Variants in PPP4R3A observed in about 807,000 individuals in gnomAD.
PPP4R3A encodes the protein protein phosphatase 4 regulatory subunit 3A, also known as serine/threonine-protein phosphatase 4 regulatory subunit 3A.
Under a neutral mutation model 91.7 loss-of-function variants are expected in PPP4R3A, and 15 were observed. The observed-to-expected ratio is 0.16, with a 90% CI of 0.11 to 0.25. PPP4R3A has a LOEUF of 0.25. Ranked by LOEUF, PPP4R3A falls within the 10% of genes least tolerant of loss-of-function variation. The pLI is 1.00. For synonymous variants in PPP4R3A, 377 were observed against 348.7 expected, an observed-to-expected ratio of 1.08 and a Z score of -0.91; for missense variants, 623 against 998.4, an observed-to-expected ratio of 0.62 and a Z score of 5.07.
chr14:91,506,705 C>T (rs961413730), intron 1 of PPP4R3A, among the ~76,000 whole-genome samples: 4 of 152,130 alleles, frequency 2.6e-5, no homozygotes, highest in South Asian at 4.1e-4. Context: ...CCCGTGCCAC[C>T]GCACCAGCTA....
intron 11 of PPP4R3A, 41 bp downstream of exon 11, chr14:91,465,205 TCAAA>T (rs778587081): frequency 2.1e-6 from 3 of 1,406,314 alleles, no homozygotes; most frequent in African/African-American, 1.5e-5. Flanking sequence ...TTCAATTTTC[TCAAA>T]CAATTAAAAT....
At position 91,509,658 on chromosome 14, in the gene PPP4R3A, G is replaced by A. The variant is rs756723283; in HGVS notation, c.-11C>T. 1 of 1,590,698 alleles carries A rather than the reference G, an allele frequency of 6.3e-7. No homozygotes were observed. Among genetic ancestry groups the A allele is most frequent in the East Asian group, 2.3e-5 (1 of 44,330 alleles). ...CCGGGTGTCGGTCATCGTGCCGCCC[G>A]GGAACCGGGGCGGGGGCCCCGCCAG... On this transcript the variant is annotated 5_prime_UTR_variant, in exon 1 of 15. Transcript: ENST00000554943.
At chr14:91,478,305 T>TG (rs1008581305) in intron 4 of PPP4R3A, among the ~76,000 whole-genome samples, 8 of 152,212 alleles carry the variant, frequency 5.3e-5, no homozygotes, top group African/African-American at 1.9e-4. Flanking sequence ...CTGCTGCAGT[T>TG]GGGGGTACAG....
chr14:91,507,370 T>C (rs1177690498), intron 1 of PPP4R3A, among the ~76,000 whole-genome samples: 3 of 70,816 alleles, frequency 4.2e-5, no homozygotes, highest in Non-Finnish European at 8.1e-5. Flanking sequence ...ATATATACTA[T>C]AATTATATAT....
intron 1 of PPP4R3A, among the ~76,000 whole-genome samples, chr14:91,507,996 T>C (rs71428761): frequency 0.12 from 18,541 of 152,164 alleles, 2,119 homozygotes; most frequent in East Asian, 0.44. Context: ...AATCTACGGA[T>C]ACTTTCATCT....
chr14:91,496,874 A>G (rs1410507144), intron 1 of PPP4R3A, among the ~76,000 whole-genome samples: 1 of 152,086 alleles, frequency 6.6e-6, no homozygotes, highest in Non-Finnish European at 1.5e-5. Context: ...TCCCTCCATC[A>G]CCTAATAGGT....
chr14:91,501,218 T>TA (rs1890927971), intron 1 of PPP4R3A, among the ~76,000 whole-genome samples: 2 of 152,126 alleles, frequency 1.3e-5, no homozygotes, highest in African/African-American at 4.8e-5. Flanking sequence ...AGCAGGGAAG[T>TA]AATATGGGAG....
At chr14:91,492,168 T>C (rs1595079144) in intron 1 of PPP4R3A, among the ~76,000 whole-genome samples, 1 of 152,344 alleles carries the variant, frequency 6.6e-6, no homozygotes, top group Middle Eastern at 3.4e-3. Context: ...TTATATATTG[T>C]ATGACTTCCC....
intron 10 of PPP4R3A, chr14:91,466,241 G>C (rs1211576955): frequency 1.0e-6 from 1 of 985,670 alleles, no homozygotes; most frequent in Non-Finnish European, 1.2e-6. Context: ...ATTGTAAACA[G>C]TGCAAAAAAG....
intron 10 of PPP4R3A, 21 bp from the exon 11 acceptor site, chr14:91,465,440 T>C (rs755958411): frequency 2.6e-6 from 4 of 1,553,438 alleles, no homozygotes; most frequent in Non-Finnish European, 3.5e-6. Flanking sequence ...GAGGCATGGT[T>C]GTTTAAATCA....
chr14:91,499,886 T>C (rs191169432), intron 1 of PPP4R3A, among the ~76,000 whole-genome samples: 6 of 149,626 alleles, frequency 4.0e-5, no homozygotes, highest in Admixed American at 4.0e-4. Flanking sequence ...TAAAATGAAA[T>C]GTGAGGCCCT....
rs997776514 is a variant in PPP4R3A at position 91,509,678 on chromosome 14, C to T, written c.-31G>A. ...CGCCCGGGAACCGGGGCGGGGGCCC[C>T]GCCAGTAGACGCCCAGGAAAGGGGC... On this transcript the variant is annotated 5_prime_UTR_variant, in exon 1 of 15. Coordinates refer to ENST00000554943, the MANE Select transcript of PPP4R3A (RefSeq NM_001366432.2). 2 of 1,583,494 alleles carry T rather than the reference C, an allele frequency of 1.3e-6. No individual in the cohort carries two copies. The highest frequency in any genetic ancestry group is 1.8e-4 in the Middle Eastern group (1 of 5,412).
chr14:91,482,460 A>C (rs1228937444), intron 3 of PPP4R3A, among the ~76,000 whole-genome samples: 2 of 152,158 alleles, frequency 1.3e-5, no homozygotes, highest in Non-Finnish European at 2.9e-5. Context: ...AGGCTAAACT[A>C]AGTGAGACTG....
chr14:91,499,272 C>A (rs1890788157), intron 1 of PPP4R3A, among the ~76,000 whole-genome samples: 1 of 150,456 alleles, frequency 6.6e-6, no homozygotes, highest in African/African-American at 2.4e-5. Flanking sequence ...GTGAAAAAAA[C>A]AAAATAAAAT....
intron 13 of PPP4R3A, 160 bp from the exon 14 acceptor site, chr14:91,461,767 C>T: frequency 1.2e-6 from 1 of 852,550 alleles, no homozygotes. Flanking sequence ...AACCACAATT[C>T]CATTCATTGG....
At chr14:91,473,197 A>G (rs1395864799) in intron 8 of PPP4R3A, 42 bp downstream of exon 8, 3 of 1,612,874 alleles carry the variant, frequency 1.9e-6, no homozygotes, top group Non-Finnish European at 8.5e-7. Context: ...GCAATACACA[A>G]TATACTAGCT....
Position 91,493,285 on chromosome 14 carries a change from C to T in PPP4R3A, c.143-2483G>A, listed in dbSNP as rs145552480. Among the ~76,000 whole-genome samples, 420 of 147,948 alleles carry T rather than the reference C, an allele frequency of 2.8e-3. 6 individuals are homozygous for T. Among genetic ancestry groups the T allele is most frequent in the South Asian group, 9.1e-3 (43 of 4,742 alleles). On this transcript the variant is annotated intron_variant, in intron 1 of 14. Transcript: ENST00000554943. ...TGAGCTGAGATTGCATCACTGCAAT[C>T]CAGCCTGGTCAACAGAGACTCTGCC...
At chr14:91,485,557 G>A in intron 3 of PPP4R3A, 75 bp downstream of exon 3, 1 of 937,002 alleles carries the variant, frequency 1.1e-6, no homozygotes, top group Non-Finnish European at 1.6e-6. Context: ...TTAAACTCTT[G>A]GGCATTAGTT....
intron 1 of PPP4R3A, among the ~76,000 whole-genome samples, chr14:91,498,870 C>T (rs983771586): frequency 1.4e-5 from 2 of 146,538 alleles, no homozygotes; most frequent in African/African-American, 5.1e-5. Flanking sequence ...GCCGAGATGG[C>T]ACCACTGCAC....
Sources: gnomAD v4.1 joint callset for allele counts (sites outside exome capture counted in the v4.1 genomes callset) on GRCh38, gnomAD v4.1.1 for gene constraint, MANE v1.5 for transcripts, NCBI Gene and HGNC (gene_info 2026-07-23, HGNC 2026-07-21) for gene names.